ZSWIM9: variants seen among roughly 807,000 people sequenced by gnomAD.
ZSWIM9 encodes uncharacterized protein ZSWIM9.
A neutral mutation model predicts 25.0 loss-of-function variants in ZSWIM9; 11 were observed. The ratio of observed to expected loss-of-function variants is 0.44; its 90% CI spans 0.28 to 0.73. The LOEUF (loss-of-function observed/expected upper bound fraction) is 0.73, where lower values mean the gene tolerates loss of function less well. ZSWIM9 is among the 30% of genes least tolerant of loss of function. ZSWIM9 has a pLI of 0.16. For missense variants in ZSWIM9, 1,070 were observed against 1,296.5 expected, an observed-to-expected ratio of 0.83 and a Z score of 2.68; for synonymous variants, 562 against 582.1, an observed-to-expected ratio of 0.97 and a Z score of 0.50.
At chr19:48,178,873 C>A (rs1568575270) in intron 2 of ZSWIM9, among the ~76,000 whole-genome samples, 1 of 152,206 alleles carries the variant, frequency 6.6e-6, no homozygotes, top group African/African-American at 2.4e-5. Context: ...CACGCCCAGC[C>A]TGTAGCCTAT....
chr19:48,171,159 C>A, intron 1 of ZSWIM9: 1 of 881,856 alleles, frequency 1.1e-6, no homozygotes, highest in Non-Finnish European at 1.4e-6. Flanking sequence ...CCAGCTACAG[C>A]TGCATGTGGC....
At position 48,182,624 on chromosome 19, in the gene ZSWIM9, C is replaced by G; in HGVS notation, c.445C>G (p.Arg149Gly). 2 of 1,535,816 alleles carry G rather than the reference C, an allele frequency of 1.3e-6. No individual in the cohort carries two copies. The highest frequency in any genetic ancestry group is 1.7e-6 in the Non-Finnish European group (2 of 1,146,692). The stretch of plus-strand genomic sequence containing the variant: ...GCTGGCCAACGCCTGCCTGCCGGTG[C>G]GCACCACCAACAAGATCTCCAAGCA... Reference protein sequence around the residue: ...HLLANACLPVRTTNKISKQFV... With the variant: ...HLLANACLPVGTTNKISKQFV... The change falls in exon 3 of 4, where the codon CGC (arginine) becomes GGC (glycine). Residue 149 changes from arginine (R) to glycine (G), a missense_variant. This residue lies in a region of ZSWIM9 where 265 missense variants were observed against 339.0 expected (regional missense o/e 0.78). Coordinates refer to ENST00000614654, the MANE Select transcript of ZSWIM9 (RefSeq NM_199341.4). This position sits in a 1 kb window ranked among gnomAD's most constrained non-coding sequence, Gnocchi z 4.6.
At chr19:48,181,923 T>C (rs545525718) in intron 2 of ZSWIM9, 2 of 153,056 alleles carry the variant, frequency 1.3e-5, no homozygotes, top group African/African-American at 2.4e-5. Context: ...CATGGAATGC[T>C]AATAGATAAT....
Position 48,194,981 on chromosome 19 carries a change from GC to G in ZSWIM9, c.919del (p.Gln307SerfsTer163). 7.5e-7 allele frequency: 1 copy of G among 1,332,610 alleles called. No individual in the cohort carries two copies. The highest frequency in any genetic ancestry group is 9.6e-7 in the Non-Finnish European group (1 of 1,045,372). 82.5% of individuals were successfully genotyped at this position (1,332,610 alleles called of 1,614,324 possible). The part of the protein sequence containing the change: ...PEVAAQLPAV[R>X]QLLPCARVQI... ...GTGGCGGCGCAGTTGCCTGCAGTGCGCCAGCTGCTGCCCTGCGCGCGCGTGC... is the reference window on the plus strand; with the variant it reads ...GTGGCGGCGCAGTTGCCTGCAGTGCGCAGCTGCTGCCCTGCGCGCGCGTGC... On this transcript the variant is annotated frameshift_variant, in exon 4 of 4. Transcript: ENST00000614654. LOFTEE classifies it low-confidence loss of function (END_TRUNC). This position sits in a 1 kb window ranked among gnomAD's most constrained non-coding sequence, Gnocchi z 6.0.
intron 3 of ZSWIM9, among the ~76,000 whole-genome samples, chr19:48,186,087 G>A (rs2037007506): frequency 6.6e-6 from 1 of 152,240 alleles, no homozygotes; most frequent in Non-Finnish European, 1.5e-5. Flanking sequence ...CAGTATGACT[G>A]AGGAACTGAA....
At position 48,182,702 on chromosome 19, in the gene ZSWIM9, G is replaced by A. The variant is rs2036963751; in HGVS notation, c.523G>A (p.Asp175Asn). 2.6e-6 allele frequency: 4 copies of A among 1,535,512 alleles called. No individual in the cohort carries two copies. Among genetic ancestry groups the A allele is most frequent in the South Asian group, 1.2e-5 (1 of 83,982 alleles). ...CCTGCTGTCCTACTGCAAGGGCCGC[G>A]ACCACGGCGTCCTGGACGCCCTGCA... ...RRLLSYCKGR[D>N]HGVLDALHVL... is the part of the protein sequence containing the mutation. Residue 175 changes from aspartate to asparagine, a missense_variant, in exon 3 of 4, where the codon GAC becomes AAC. Transcript: ENST00000614654. The surrounding 1 kb of genome is among the most constrained non-coding windows in gnomAD (Gnocchi z 4.6).
chr19:48,171,335 A>C (rs1472328370), intron 1 of ZSWIM9: 1 of 985,302 alleles, frequency 1.0e-6, no homozygotes, highest in African/African-American at 1.7e-5. Flanking sequence ...GGTTACAGCC[A>C]ACTGTTGGCA....
rs2037167929 is a variant in ZSWIM9 at position 48,196,504 on chromosome 19, G to A, written c.2440G>A (p.Gly814Arg). ...REPKRLCRPPGEEEVDWEPLA... is the reference protein window; with the variant it reads ...REPKRLCRPPREEEVDWEPLA... ...ACCAAAGAGGCTTTGCCGACCCCCG[G>A]GAGAGGAGGAGGTGGACTGGGAACC... Residue 814 changes from glycine (G) to arginine (R), a missense_variant, in exon 4 of 4, where the codon GGA becomes AGA. Gly to Arg is a moderately radical substitution (Grantham distance 125, BLOSUM62 -2). Transcript: ENST00000614654. 8.1e-7 allele frequency: 1 copy of A among 1,232,568 alleles called. No homozygotes were observed. Among genetic ancestry groups the A allele is most frequent in the Non-Finnish European group, 1.0e-6 (1 of 988,308 alleles). 76.4% of individuals were successfully genotyped at this position (1,232,568 alleles called of 1,614,324 possible). A position where few individuals can be genotyped will look rare whatever the true frequency, so the allele number is the denominator to read the frequency against.
intron 1 of ZSWIM9, 89 bp from the exon 2 acceptor site, chr19:48,171,705 A>G (rs548990788): frequency 4.6e-6 from 6 of 1,314,824 alleles, no homozygotes; most frequent in South Asian, 3.0e-5. Flanking sequence ...GGCACCAGCA[A>G]CCGACGGGGC....
intron 3 of ZSWIM9, chr19:48,193,286 A>G (rs2037120177): frequency 6.5e-6 from 1 of 153,874 alleles, no homozygotes; most frequent in Non-Finnish European, 1.5e-5. Flanking sequence ...CAGGAGTCTG[A>G]TCCTTAAACC....
intron 3 of ZSWIM9, among the ~76,000 whole-genome samples, chr19:48,192,780 A>G (rs1460790177): frequency 6.6e-6 from 1 of 151,980 alleles, no homozygotes; most frequent in Non-Finnish European, 1.5e-5. Flanking sequence ...TCAAGGCTAC[A>G]GTTTATTACA....
At position 48,194,544 on chromosome 19, in the gene ZSWIM9, G is replaced by A. The variant is rs1599936982; in HGVS notation, c.589-109G>A. 14 of 1,135,068 alleles carry A rather than the reference G, an allele frequency of 1.2e-5. 1 individual carries two copies. In the East Asian group the frequency reaches 4.1e-4, roughly 33 times the overall value. 70.3% of individuals were successfully genotyped at this position (1,135,068 alleles called of 1,614,324 possible). A position where few individuals can be genotyped will look rare whatever the true frequency, so the allele number is the denominator to read the frequency against. On this transcript the variant is annotated intron_variant, in intron 3 of 3. Transcript: ENST00000614654. This position sits in a 1 kb window ranked among gnomAD's most constrained non-coding sequence, Gnocchi z 6.0. Reference sequence around the variant, plus strand: ...AATAAATGCATATGCAGGCAAGAATGAATGGGTGGTCCCATTTCCGTAGAA... The same window carrying A: ...AATAAATGCATATGCAGGCAAGAATAAATGGGTGGTCCCATTTCCGTAGAA...
chr19:48,188,591 A>C (rs949894476), intron 3 of ZSWIM9, among the ~76,000 whole-genome samples: 1 of 152,076 alleles, frequency 6.6e-6, no homozygotes, highest in Admixed American at 6.6e-5. Flanking sequence ...TCACATCTCC[A>C]TTCCCTCACT....
At chr19:48,190,038 A>G (rs1410689035) in intron 3 of ZSWIM9, among the ~76,000 whole-genome samples, 1 of 152,012 alleles carries the variant, frequency 6.6e-6, no homozygotes, top group Non-Finnish European at 1.5e-5. Context: ...CCCCGTCTCT[A>G]CTAAAAATAC....
Position 48,195,871 on chromosome 19 carries a change from C to A in ZSWIM9, c.1807C>A (p.Arg603Ser). Reference protein sequence around the residue: ...YTWRVAQLEDRRSTTDLRGTQ... With the variant: ...YTWRVAQLEDSRSTTDLRGTQ... ...CTGGAGGGTGGCCCAGCTGGAAGAT[C>A]GCAGGAGTACCACCGACCTGAGGGG... is the stretch of plus-strand genomic sequence containing the variant. The change falls in exon 4 of 4, where the codon CGC (arginine) becomes AGC (serine). Residue 603 changes from arginine to serine, a missense_variant. This residue lies in a region of ZSWIM9 where 583 missense variants were observed against 624.7 expected (regional missense o/e 0.93). Coordinates refer to ENST00000614654, the MANE Select transcript of ZSWIM9 (RefSeq NM_199341.4). The surrounding 1 kb of genome is among the most constrained non-coding windows in gnomAD (Gnocchi z 5.8). 1 of 1,416,636 alleles carries A rather than the reference C, an allele frequency of 7.1e-7. No homozygotes were observed. The highest frequency in any genetic ancestry group is 9.2e-7 in the Non-Finnish European group (1 of 1,090,604). The allele number at this position is 1,416,636 out of a possible 1,614,324, so 87.8% of individuals were successfully genotyped here. A position where few individuals can be genotyped will look rare whatever the true frequency, so the allele number is the denominator to read the frequency against.
intron 2 of ZSWIM9, among the ~76,000 whole-genome samples, chr19:48,178,583 T>TTC (rs1555786434): frequency 6.7e-5 from 10 of 150,350 alleles, no homozygotes; most frequent in East Asian, 3.9e-4. Flanking sequence ...TACTTTTTTT[T>TTC]TTCTTCTTCT....
At chr19:48,188,570 T>C (rs1020764469) in intron 3 of ZSWIM9, among the ~76,000 whole-genome samples, 2 of 152,234 alleles carry the variant, frequency 1.3e-5, no homozygotes, top group African/African-American at 4.8e-5. Flanking sequence ...ATGATGGGCT[T>C]TGGGGTCCAG....
In ZSWIM9 at chr19:48,182,908, C is replaced by G; in HGVS notation, c.588+141C>G. 2 of 694,384 alleles carry G rather than the reference C, an allele frequency of 2.9e-6. No homozygotes were observed. The highest frequency in any genetic ancestry group is 3.8e-5 in the South Asian group (2 of 52,436). The allele number at this position is 694,384 out of a possible 1,614,324, so 43.0% of individuals were successfully genotyped here. A position where few individuals can be genotyped will look rare whatever the true frequency, so the allele number is the denominator to read the frequency against. ...CATCCGTTCATTCATTCAATAAGTA[C>G]TTACCGAGGCATTGGGGATGCAGCA... On this transcript the variant is annotated intron_variant, in intron 3 of 3. Coordinates refer to ENST00000614654, the MANE Select transcript of ZSWIM9 (RefSeq NM_199341.4). The surrounding 1 kb of genome is among the most constrained non-coding windows in gnomAD (Gnocchi z 4.6).
At chr19:48,185,582 T>C (rs1456035398) in intron 3 of ZSWIM9, among the ~76,000 whole-genome samples, 1 of 152,248 alleles carries the variant, frequency 6.6e-6, no homozygotes, top group Non-Finnish European at 1.5e-5. Flanking sequence ...TATCACATCC[T>C]GTCCCCCAGG....
Sources: gnomAD v4.1 joint callset for allele counts (sites outside exome capture counted in the v4.1 genomes callset) on GRCh38, gnomAD v4.1.1 for gene constraint, gnomAD v4.1.1 regional missense constraint, Gnocchi (gnomAD v3.1) non-coding constraint, MANE v1.5 for transcripts, NCBI Gene and HGNC (gene_info 2026-07-23, HGNC 2026-07-21) for gene names.